The following TTN variants were observed in gnomAD, a reference collection of about 807,000 sequenced individuals.
The protein encoded by TTN is connectin.
In TTN, 1,525 loss-of-function variants were observed where a neutral mutation model predicts 3,223.0. The observed-to-expected ratio is 0.47, with a 90% CI of 0.45 to 0.49. The LOEUF is 0.49. Among genes scored for constraint, TTN ranks in the 20% least tolerant of loss-of-function variants. The probability of loss-of-function intolerance (pLI) is 0.00; values close to 1 mark genes in which losing one functional copy is unlikely to be tolerated. For synonymous variants in TTN, 14,094 were observed against 15,161.0 expected (o/e 0.93, Z 5.17); for missense variants, 40,786 against 43,424.0 (o/e 0.94, Z 5.40).
chr2:178,557,591 C>A, intron 328 of TTN, 36 bp from the exon 329 acceptor site: 1 of 1,613,210 alleles, frequency 6.2e-7, no homozygotes, highest in Non-Finnish European at 8.5e-7. Context: ...TTAGTACAGA[C>A]AATAACACAT....
intron 129 of TTN, 41 bp from the exon 130 acceptor site, chr2:178,685,030 A>C (rs1405131484): frequency 2.0e-6 from 3 of 1,484,790 alleles, no homozygotes; most frequent in Non-Finnish European, 2.8e-6. Context: ...TTTGCCTTAC[A>C]TATGAAGTGA....
At position 178,730,372 on chromosome 2, in the gene TTN, C is replaced by T; in HGVS notation, c.18029-1G>A. On this transcript the variant is annotated splice_acceptor_variant, in intron 61 of 362. Coordinates refer to ENST00000589042, the MANE Select transcript of TTN (RefSeq NM_001267550.2). LOFTEE classifies it high-confidence loss of function. ...GGCTTTTCCACAAAGTAAGGGGGTT[C>T]TGAGGTGAAAGAAAAAACAAGCAAA... is the stretch of plus-strand genomic sequence containing the variant. The T allele has an allele frequency of 6.4e-7, 1 of 1,573,272 alleles. No homozygotes were observed. The highest frequency in any genetic ancestry group is 8.6e-7 in the Non-Finnish European group (1 of 1,161,990).
Position 178,770,616 on chromosome 2 carries a change from A to G in TTN, c.8176T>C (p.Phe2726Leu). 6.2e-7 allele frequency: 1 copy of G among 1,614,114 alleles called. No individual in the cohort carries two copies. Residue 2726 changes from phenylalanine (F) to leucine (L), a missense_variant, in exon 35 of 363, where the codon TTC (phenylalanine) becomes CTC (leucine). Phe to Leu is a conservative substitution (Grantham distance 22, BLOSUM62 0). Transcript: ENST00000589042. Reference protein sequence around the residue: ...LTVTETQDAVFTVELTHPNVK... With the variant: ...LTVTETQDAVLTVELTHPNVK... The stretch of plus-strand genomic sequence containing the variant: ...TTAGGGTGTGTAAGCTCGACAGTGA[A>G]AACAGCATCCTGTGTTTCTGTCACT...
In TTN at chr2:178,691,248, T is replaced by G. The variant is rs147911071; in HGVS notation, c.31762+768A>C. Among the ~76,000 whole-genome samples, 1,252 of 152,294 alleles carry G rather than the reference T, an allele frequency of 8.2e-3. 17 individuals are homozygous for G. Among genetic ancestry groups the G allele is most frequent in the African/African-American group, 0.029 (1,194 of 41,562 alleles). On this transcript the variant is annotated intron_variant, in intron 121 of 362. Coordinates refer to ENST00000589042, the MANE Select transcript of TTN (RefSeq NM_001267550.2). The stretch of plus-strand genomic sequence containing the variant: ...AAATTGGATAATGTTGAATTCTTGC[T>G]GAGTCTCTCTATAACTGAATGGATG...
rs2060280657 is a variant in TTN at position 178,635,155 on chromosome 2, A to G, written c.42024+10T>C. 1 of 1,609,166 alleles carries G rather than the reference A, an allele frequency of 6.2e-7. No homozygotes were observed. Among genetic ancestry groups the G allele is most frequent in the African/African-American group, 1.3e-5 (1 of 74,584 alleles). On this transcript the variant is annotated intron_variant, in intron 228 of 362. Transcript: ENST00000589042. ...ATATGACTAACAATTTAAAATGTGAAATTACTCACAGGTGAGGGCCTTAGA... is the reference window on the plus strand; with the variant it reads ...ATATGACTAACAATTTAAAATGTGAGATTACTCACAGGTGAGGGCCTTAGA...
In TTN at chr2:178,604,795, G is replaced by C; in HGVS notation, c.54294C>G (p.Thr18098=). The C allele has an allele frequency of 6.2e-7, 1 of 1,612,216 alleles. No homozygotes were observed. The highest frequency in any genetic ancestry group is 8.5e-7 in the Non-Finnish European group (1 of 1,178,962). Residue 18098 remains threonine, a synonymous_variant, in exon 281 of 363, where the codon ACC becomes ACG. Coordinates refer to ENST00000589042, the MANE Select transcript of TTN (RefSeq NM_001267550.2). ...CATCACGTTTGTCAATAACATAATG[G>C]GTGATTTCACTGCCACCATTATCAA... ...APLDNGGSEI[T]HYVIDKRDAS...
Position 178,663,611 on chromosome 2 carries a change from A to C in TTN, c.36532+16T>G, listed in dbSNP as rs745898273. 1.9e-6 allele frequency: 3 copies of C among 1,613,726 alleles called. No homozygotes were observed. Among genetic ancestry groups the C allele is most frequent in the Non-Finnish European group, 2.5e-6 (3 of 1,179,750 alleles). ...AAGAGATACATCATCTGAAGCCTAA[A>C]ATCAGTGACAAATACCTTTAACAGG... On this transcript the variant is annotated intron_variant, in intron 171 of 362. Transcript: ENST00000589042.
Position 178,740,764 on chromosome 2 carries a change from A to C in TTN, c.12469T>G (p.Ser4157Ala). 1 of 1,613,634 alleles carries C rather than the reference A, an allele frequency of 6.2e-7. No individual in the cohort carries two copies. Among genetic ancestry groups the C allele is most frequent in the Non-Finnish European group, 8.5e-7 (1 of 1,179,776 alleles). Residue 4157 changes from serine to alanine, a missense_variant, in exon 48 of 363, where the codon TCC (serine) becomes GCC (alanine). Ser to Ala is a moderately conservative substitution (Grantham distance 99). Coordinates refer to ENST00000589042, the MANE Select transcript of TTN (RefSeq NM_001267550.2). ...CCTTCTTTGGAGAAGGTTTTCTGGG[A>C]CTGTACAATCTGCAGCTGTAGGTTG... Reference protein sequence around the residue: ...SPNLQLQIVQSQKTFSKEGIL... With the variant: ...SPNLQLQIVQAQKTFSKEGIL...
rs759252182 is a variant in TTN at position 178,573,758 on chromosome 2, GGGC to G, written c.72371_72373del (p.Gly24124_Pro24125delinsAla). ...AGTTACAGCCAAAGGTCCTTCAGGT[GGGC>G]CTGGTCTGTCAAGAACTTTGACATT... On this transcript the variant is annotated inframe_deletion, in exon 326 of 363. Coordinates refer to ENST00000589042, the MANE Select transcript of TTN (RefSeq NM_001267550.2). 1.3e-6 allele frequency: 2 copies of G among 1,589,064 alleles called. No homozygotes were observed. The highest frequency in any genetic ancestry group is 1.7e-6 in the Non-Finnish European group (2 of 1,168,550).
chr2:178,544,604 C>T, intron 344 of TTN, 98 bp from the exon 345 acceptor site: 1 of 959,756 alleles, frequency 1.0e-6, no homozygotes. Context: ...CATTATTGCT[C>T]TTGTCCACAC....
rs6433729 is a variant in TTN at position 178,757,178 on chromosome 2, A to T, written c.10678+364T>A. Among the ~76,000 whole-genome samples, 3 of 90,554 alleles carry T rather than the reference A, an allele frequency of 3.3e-5. 1 individual carries two copies. Among genetic ancestry groups the T allele is most frequent in the Non-Finnish European group, 2.3e-5 (1 of 43,760 alleles). The allele number at this position is 90,554 out of a possible 152,430, so 59.4% of individuals were successfully genotyped here. A position where few individuals can be genotyped will look rare whatever the true frequency, so the allele number is the denominator to read the frequency against. On this transcript the variant is annotated intron_variant, in intron 45 of 362. Transcript: ENST00000589042. ...AAGTACAGTAAGTAATACTGTACTTACTTTAAGTACAGTAAGTAATACTGT... is the reference window on the plus strand; with the variant it reads ...AAGTACAGTAAGTAATACTGTACTTTCTTTAAGTACAGTAAGTAATACTGT...
At position 178,589,989 on chromosome 2, in the gene TTN, G is replaced by A; in HGVS notation, c.61736C>T (p.Thr20579Ile). The A allele has an allele frequency of 6.2e-7, 1 of 1,613,156 alleles. No homozygotes were observed. The highest frequency in any genetic ancestry group is 8.5e-7 in the Non-Finnish European group (1 of 1,179,492). ...TGTACAGTTCTCTTTGGTTACATTG[G>A]TAACCTTCAAATTCTGGCAAGGCCC... Reference protein sequence around the residue: ...RPGPCQNLKVTNVTKENCTIS... With the variant: ...RPGPCQNLKVINVTKENCTIS... Residue 20579 changes from threonine to isoleucine, a missense_variant, in exon 304 of 363, where the codon ACC (threonine) becomes ATC (isoleucine). Thr to Ile is a moderately conservative substitution (Grantham distance 89). Transcript: ENST00000589042.
At chr2:178,668,412 C>G (rs961433079) in intron 159 of TTN, among the ~76,000 whole-genome samples, 1 of 151,956 alleles carries the variant, frequency 6.6e-6, no homozygotes. Context: ...AGTTGAGTTT[C>G]AACAGGAAAT....
In TTN at chr2:178,571,674, C is replaced by G; in HGVS notation, c.74458G>C (p.Glu24820Gln). The G allele has an allele frequency of 6.2e-7, 1 of 1,613,488 alleles. No individual in the cohort carries two copies. The highest frequency in any genetic ancestry group is 8.5e-7 in the Non-Finnish European group (1 of 1,179,606). ...AGAGTAATACTATCAGCTGTCACTT[C>G]ATCCATTTTAACTGGTCCAGTTGGA... The part of the protein sequence containing the change: ...GPPTGPVKMD[E>Q]VTADSITLSW... The change falls in exon 326 of 363, where the codon GAA becomes CAA. Residue 24820 changes from glutamate to glutamine, a missense_variant. Coordinates refer to ENST00000589042, the MANE Select transcript of TTN (RefSeq NM_001267550.2).
At chr2:178,713,468 G>A in intron 92 of TTN, 96 bp from the exon 93 acceptor site, 1 of 1,436,386 alleles carries the variant, frequency 7.0e-7, no homozygotes, top group Non-Finnish European at 9.1e-7. Flanking sequence ...CTTTTTGATG[G>A]ACTATCCCTA....
chr2:178,796,428 G>A (rs1361956307), intron 6 of TTN, among the ~76,000 whole-genome samples: 1 of 152,092 alleles, frequency 6.6e-6, no homozygotes, highest in African/African-American at 2.4e-5. Context: ...AACTTACAGA[G>A]TACCCTAACA....
Position 178,570,358 on chromosome 2 carries a change from A to G in TTN, c.75774T>C (p.Asn25258=), listed in dbSNP as rs1575733221. The change falls in exon 326 of 363, where the codon AAT becomes AAC. Residue 25258 remains asparagine, a synonymous_variant. Coordinates refer to ENST00000589042, the MANE Select transcript of TTN (RefSeq NM_001267550.2). ...TAACCTTGCAGCTGAGAGTCTGCAC[A>G]TTGGCATCAACCACAGTCCAAACTA... ...SRLVWTVVDA[N]VQTLSCKVTK... 3.1e-6 allele frequency: 5 copies of G among 1,613,112 alleles called. No individual in the cohort carries two copies. Among genetic ancestry groups the G allele is most frequent in the East Asian group, 2.2e-5 (1 of 44,706 alleles).
In TTN at chr2:178,647,424, C is replaced by T. The variant is rs1199008054; in HGVS notation, c.40098G>A (p.Val13366=). The part of the protein sequence containing the change: ...VPEKIIPEKE[V]SVPIPAEPEV... Reference sequence around the variant, plus strand: ...CTGGCTCTGCAGGGATAGGCACAGACACTTCCTTTTCTGGGATGATTTTCT... The same window carrying T: ...CTGGCTCTGCAGGGATAGGCACAGATACTTCCTTTTCTGGGATGATTTTCT... Residue 13366 remains valine, a synonymous_variant, in exon 214 of 363, where the codon GTG becomes GTA. Transcript: ENST00000589042. 1 of 1,549,774 alleles carries T rather than the reference C, an allele frequency of 6.5e-7. No individual in the cohort carries two copies. Among genetic ancestry groups the T allele is most frequent in the Admixed American group, 2.0e-5 (1 of 50,952 alleles).
chr2:178,730,953 G>C lies in TTN; in HGVS notation c.17712C>G (p.Ser5904Arg). The change falls in exon 60 of 363, where the codon AGC becomes AGG. Residue 5904 changes from serine to arginine, a missense_variant. Transcript: ENST00000589042. ...TFEVQNDVGR[S>R]SCKARINVLD... ...ATACATTAATTCTAGCCTTGCAGCT[G>C]CTCCTCCCAACATCATTTTGGACCT... The C allele has an allele frequency of 6.2e-7, 1 of 1,609,612 alleles. No individual in the cohort carries two copies. Among genetic ancestry groups the C allele is most frequent in the Non-Finnish European group, 8.5e-7 (1 of 1,177,224 alleles).
Sources: gnomAD v4.1 joint callset for allele counts (sites outside exome capture counted in the v4.1 genomes callset) on GRCh38, gnomAD v4.1.1 for gene constraint, MANE v1.5 for transcripts, NCBI Gene and HGNC (gene_info 2026-07-23, HGNC 2026-07-21) for gene names.